Variants in GRIK2 observed in about 807,000 individuals in gnomAD.
The protein encoded by GRIK2 is glutamate receptor ionotropic, kainate 2.
GRIK2 carries 32 observed loss-of-function variants against 100.3 expected under a neutral mutation model. That is an observed-to-expected ratio of 0.32 (90% confidence interval 0.24 to 0.43). The LOEUF (loss-of-function observed/expected upper bound fraction) is 0.43. Ranked by LOEUF, GRIK2 falls within the 20% of genes least tolerant of loss-of-function variation. The pLI is 1.00. For synonymous variants in GRIK2, 417 were observed against 389.4 expected, an observed-to-expected ratio of 1.07 and a Z score of -0.83; for missense variants, 843 against 1,114.9, an observed-to-expected ratio of 0.76 and a Z score of 3.47.
At chr6:101,587,720 T>G (rs1778447166) in intron 2 of GRIK2, among the ~76,000 whole-genome samples, 1 of 152,150 alleles carries the variant, frequency 6.6e-6, no homozygotes, top group African/African-American at 2.4e-5. Flanking sequence ...AATGGTATCT[T>G]CAAACTGCTG....
chr6:101,909,136 A>G (rs1398434608), intron 12 of GRIK2, among the ~76,000 whole-genome samples: 2 of 151,314 alleles, frequency 1.3e-5, no homozygotes, highest in Non-Finnish European at 3.0e-5. Flanking sequence ...ACACAGGGAT[A>G]AAATATTATT....
intron 5 of GRIK2, among the ~76,000 whole-genome samples, chr6:101,681,201 C>T (rs1348715034): frequency 3.9e-5 from 6 of 152,066 alleles, no homozygotes; most frequent in Admixed American, 6.6e-5. Context: ...AGGCATACAA[C>T]GTGTAATAAT....
intron 14 of GRIK2, among the ~76,000 whole-genome samples, chr6:102,009,892 G>T (rs961211598): frequency 2.0e-5 from 3 of 152,072 alleles, no homozygotes; most frequent in African/African-American, 7.2e-5. Context: ...CTTGTTAAAA[G>T]ATTTTAGAAA....
intron 2 of GRIK2, among the ~76,000 whole-genome samples, chr6:101,401,117 C>T (rs1775282445): frequency 6.6e-6 from 1 of 152,080 alleles, no homozygotes; most frequent in Non-Finnish European, 1.5e-5. Context: ...TATGTGGAAT[C>T]CTGAAGAATT....
intron 2 of GRIK2, among the ~76,000 whole-genome samples, chr6:101,609,569 A>G (rs1448618240): frequency 6.6e-6 from 1 of 151,830 alleles, no homozygotes; most frequent in African/African-American, 2.4e-5. Flanking sequence ...CATTTGATCA[A>G]TTTCTACAAC....
chr6:101,912,942 G>C (rs1562483701), intron 12 of GRIK2, among the ~76,000 whole-genome samples: 1 of 151,390 alleles, frequency 6.6e-6, no homozygotes, highest in Non-Finnish European at 1.5e-5. Context: ...TAATCATTCT[G>C]ATATTTTGTT....
At chr6:101,538,564 A>T (rs1397979398) in intron 2 of GRIK2, among the ~76,000 whole-genome samples, 1 of 151,574 alleles carries the variant, frequency 6.6e-6, no homozygotes, top group Non-Finnish European at 1.5e-5. Flanking sequence ...ACTATCAATG[A>T]TAATATTTTG....
rs1041330834 is a variant in GRIK2 at position 101,971,092 on chromosome 6, A to T, written c.2085+42460A>T. On this transcript the variant is annotated intron_variant, in intron 14 of 16. Transcript: ENST00000369134. ...AGTTTGTACTTCTAAATTTTAGAAAAAGTTGTGAATTTTGAAATTTTTTCA... is the reference window on the plus strand; with the variant it reads ...AGTTTGTACTTCTAAATTTTAGAAATAGTTGTGAATTTTGAAATTTTTTCA... Among the ~76,000 whole-genome samples, 22 of 150,938 alleles carry T rather than the reference A, an allele frequency of 1.5e-4. 2 individuals are homozygous for T. The highest frequency in any genetic ancestry group is 4.9e-4 in the African/African-American group (20 of 40,406).
At chr6:101,481,252 C>G (rs1228607456) in intron 2 of GRIK2, among the ~76,000 whole-genome samples, 4 of 152,066 alleles carry the variant, frequency 2.6e-5, no homozygotes. Context: ...AATATATAGG[C>G]TGTTTTTGGT....
At chr6:101,966,192 C>A (rs909662268) in intron 14 of GRIK2, among the ~76,000 whole-genome samples, 9 of 152,028 alleles carry the variant, frequency 5.9e-5, no homozygotes, top group Non-Finnish European at 1.3e-4. Context: ...TTATTCTCCC[C>A]TATGAAACAA....
chr6:102,066,848 C>G (rs542892881), intron 16 of GRIK2, among the ~76,000 whole-genome samples: 1 of 151,636 alleles, frequency 6.6e-6, no homozygotes, highest in African/African-American at 2.4e-5. Context: ...AGAAGAGTGG[C>G]GTAGACGTAG....
intron 11 of GRIK2, among the ~76,000 whole-genome samples, chr6:101,884,909 A>C (rs1361450): frequency 0.2 from 31,051 of 152,060 alleles, 3,914 homozygotes; most frequent in South Asian, 0.33. Flanking sequence ...AGAGTTTCAC[A>C]TAGAATGGTG....
chr6:101,678,751 T>C (rs1483632648), intron 5 of GRIK2, among the ~76,000 whole-genome samples: 1 of 152,234 alleles, frequency 6.6e-6, no homozygotes, highest in Admixed American at 6.5e-5. Context: ...AGCTTTCAGC[T>C]AGTCTGGCTT....
rs557506742 is a variant in GRIK2 at position 101,804,247 on chromosome 6, A to G, written c.1203+1809A>G. 8.2e-4 allele frequency among the ~76,000 whole-genome samples: 124 copies of G among 152,068 alleles called. 1 individual carries two copies. The highest frequency in any genetic ancestry group is 6.6e-4 in the Admixed American group (10 of 15,210). ...GGAAGTAGAAGTATGGGGAAACACA[A>G]ACATAGCGTTTGATTTTATCATTAC... On this transcript the variant is annotated intron_variant, in intron 9 of 16. Coordinates refer to ENST00000369134, the MANE Select transcript of GRIK2 (RefSeq NM_021956.5).
chr6:102,066,450 A>G (rs1772021277), intron 16 of GRIK2, among the ~76,000 whole-genome samples: 1 of 151,610 alleles, frequency 6.6e-6, no homozygotes, highest in African/African-American at 2.4e-5. Context: ...TGAGTGGAAA[A>G]TACTGACAGA....
intron 7 of GRIK2, among the ~76,000 whole-genome samples, chr6:101,782,746 T>C (rs1356835087): frequency 1.3e-5 from 2 of 152,168 alleles, no homozygotes; most frequent in Non-Finnish European, 2.9e-5. Flanking sequence ...CTAGATCACA[T>C]GGTAGTTCTA....
At chr6:101,402,896 G>A (rs983977627) in intron 2 of GRIK2, among the ~76,000 whole-genome samples, 1 of 152,158 alleles carries the variant, frequency 6.6e-6, no homozygotes, top group African/African-American at 2.4e-5. Context: ...GGTGAAGGCG[G>A]GACTCTTCCG....
At chr6:101,712,037 A>G (rs995940889) in intron 7 of GRIK2, among the ~76,000 whole-genome samples, 2 of 151,820 alleles carry the variant, frequency 1.3e-5, no homozygotes, top group African/African-American at 4.8e-5. Context: ...TCCCCTACCT[A>G]TGGGTCAAAT....
chr6:101,609,211 A>G (rs1474706708), intron 2 of GRIK2, among the ~76,000 whole-genome samples: 1 of 151,812 alleles, frequency 6.6e-6, no homozygotes, highest in Admixed American at 6.6e-5. Context: ...AAAAGTTACT[A>G]AACTTTAACT....
Sources: allele counts gnomAD v4.1 joint callset (sites outside exome capture counted in the v4.1 genomes callset), GRCh38; gene constraint gnomAD v4.1.1; transcripts MANE v1.5; gene names NCBI Gene and HGNC (gene_info 2026-07-23, HGNC 2026-07-21).